ARHGAP15: variants seen among roughly 807,000 people sequenced by gnomAD.
The protein encoded by ARHGAP15 is Rho GTPase activating protein 15.
ARHGAP15 carries 51 observed loss-of-function variants against 63.7 expected under a neutral mutation model. The observed-to-expected ratio is 0.80, with a 90% confidence interval of 0.64 to 1.01. The LOEUF is 1.01. Among genes scored for constraint, ARHGAP15 ranks in the 50% least tolerant of loss-of-function variants. The probability of loss-of-function intolerance (pLI) is 0.00; values close to 1 mark genes in which losing one functional copy is unlikely to be tolerated. For synonymous variants in ARHGAP15, 191 were observed against 193.8 expected, an observed-to-expected ratio of 0.99 and a Z score of 0.12; for missense variants, 560 against 564.6, an observed-to-expected ratio of 0.99 and a Z score of 0.08.
intron 6 of ARHGAP15, among the ~76,000 whole-genome samples, chr2:143,388,968 CTAG>C (rs1004070056): frequency 2.6e-5 from 4 of 151,512 alleles, no homozygotes; most frequent in African/African-American, 9.7e-5. Flanking sequence ...ATTTGGTAAA[CTAG>C]TAGTTTAGAT....
In ARHGAP15 at chr2:143,330,158, TTAA is replaced by T. The variant is rs4008339; in HGVS notation, c.474+79563_474+79565del. 3.1e-4 allele frequency among the ~76,000 whole-genome samples: 33 copies of T among 106,918 alleles called. 1 individual carries two copies. Among genetic ancestry groups the T allele is most frequent in the Admixed American group, 3.0e-3 (30 of 9,878 alleles). 70.1% of individuals were successfully genotyped at this position (106,918 alleles called of 152,430 possible). On this transcript the variant is annotated intron_variant, in intron 6 of 13. Transcript: ENST00000295095. ...CAAAAACAAAAAACTAAACTAATGA[TTAA>T]TAATTTCAGGGGGAAAATTGGCATT...
chr2:143,205,604 C>T (rs1233981986), intron 3 of ARHGAP15, among the ~76,000 whole-genome samples: 1 of 152,054 alleles, frequency 6.6e-6, no homozygotes. Context: ...TGTAACCTTT[C>T]TCTCCTGTGA....
At chr2:143,543,627 A>G (rs1695198625) in intron 10 of ARHGAP15, among the ~76,000 whole-genome samples, 1 of 151,920 alleles carries the variant, frequency 6.6e-6, no homozygotes, top group Non-Finnish European at 1.5e-5. Flanking sequence ...AATAGATCAG[A>G]AAGAAATGAG....
At chr2:143,506,787 C>T (rs369122867) in intron 9 of ARHGAP15, among the ~76,000 whole-genome samples, 24 of 152,208 alleles carry the variant, frequency 1.6e-4, no homozygotes, top group African/African-American at 3.6e-4. Flanking sequence ...AGATAGAAAT[C>T]GGTTTCTTGG....
At chr2:143,403,255 G>C (rs1688063956) in intron 6 of ARHGAP15, among the ~76,000 whole-genome samples, 1 of 151,020 alleles carries the variant, frequency 6.6e-6, no homozygotes, top group African/African-American at 2.4e-5. Context: ...TTCTAGTCTT[G>C]TATTAATTTG....
intron 8 of ARHGAP15, among the ~76,000 whole-genome samples, chr2:143,466,274 T>A (rs545516293): frequency 4.6e-5 from 7 of 152,180 alleles, no homozygotes; most frequent in Admixed American, 3.9e-4. Flanking sequence ...ACAATTGGCT[T>A]TTATGGGCAC....
chr2:143,302,668 AC>A (rs1682959192), intron 6 of ARHGAP15, among the ~76,000 whole-genome samples: 1 of 151,850 alleles, frequency 6.6e-6, no homozygotes, highest in African/African-American at 2.4e-5. Flanking sequence ...TGAACTATCC[AC>A]CCCCGCCCAT....
At chr2:143,739,979 ATC>A (rs1443103307) in intron 13 of ARHGAP15, among the ~76,000 whole-genome samples, 1 of 151,958 alleles carries the variant, frequency 6.6e-6, no homozygotes, top group Admixed American at 6.6e-5. Context: ...TACTTTCATA[ATC>A]TCTCTTTTTG....
chr2:143,542,524 CA>C (rs1695116323), intron 10 of ARHGAP15, among the ~76,000 whole-genome samples: 1 of 151,146 alleles, frequency 6.6e-6, no homozygotes, highest in African/African-American at 2.4e-5. Context: ...GGCTCTACCC[CA>C]AAAGCAGGAT....
chr2:143,655,245 T>A (rs1165862891), intron 12 of ARHGAP15, among the ~76,000 whole-genome samples: 1 of 152,080 alleles, frequency 6.6e-6, no homozygotes, highest in African/African-American at 2.4e-5. Flanking sequence ...ATATTTGTAG[T>A]CTTCTATCCC....
At chr2:143,747,529 T>G (rs947831549) in intron 13 of ARHGAP15, among the ~76,000 whole-genome samples, 1 of 152,178 alleles carries the variant, frequency 6.6e-6, no homozygotes, top group Admixed American at 6.5e-5. Flanking sequence ...GTGTTCCACC[T>G]TTTCATTCCT....
chr2:143,185,778 A>T (rs902292605), intron 2 of ARHGAP15, among the ~76,000 whole-genome samples: 14 of 152,214 alleles, frequency 9.2e-5, no homozygotes, highest in Admixed American at 9.2e-4. Flanking sequence ...CAGAAATTTT[A>T]AATGATGTTT....
chr2:143,411,876 A>G (rs1446169792), intron 6 of ARHGAP15, among the ~76,000 whole-genome samples: 1 of 152,208 alleles, frequency 6.6e-6, no homozygotes, highest in Non-Finnish European at 1.5e-5. Context: ...AGAGGCAGTG[A>G]TATTGAAGAT....
rs192276827 is a variant in ARHGAP15 at position 143,434,307 on chromosome 2, T to C, written c.475-1294T>C. On this transcript the variant is annotated intron_variant, in intron 6 of 13. Coordinates refer to ENST00000295095, the MANE Select transcript of ARHGAP15 (RefSeq NM_018460.4). ...TATTGGAACCCATCTCAATCAAGAA[T>C]GGTTACTTTGCAGTACTGATTAATA... Among the ~76,000 whole-genome samples the C allele has an allele frequency of 7.4e-3, 1,127 of 152,238 alleles. 12 individuals are homozygous for C. The highest frequency in any genetic ancestry group is 0.026 in the African/African-American group (1,072 of 41,562).
intron 6 of ARHGAP15, among the ~76,000 whole-genome samples, chr2:143,297,742 C>T (rs557401756): frequency 2.6e-5 from 4 of 152,048 alleles, no homozygotes; most frequent in East Asian, 1.9e-4. Context: ...ACCATGGAAA[C>T]TAAGAAGAGC....
chr2:143,515,659 A>G (rs1693783276), intron 9 of ARHGAP15, among the ~76,000 whole-genome samples: 1 of 152,240 alleles, frequency 6.6e-6, no homozygotes, highest in South Asian at 2.1e-4. Context: ...GACCAGAGCT[A>G]TCTAATCACC....
chr2:143,502,616 G>A (rs533994373), intron 9 of ARHGAP15, among the ~76,000 whole-genome samples: 1 of 151,904 alleles, frequency 6.6e-6, no homozygotes, highest in African/African-American at 2.4e-5. Context: ...TTTCACTCTT[G>A]TCACCCAGGC....
intron 6 of ARHGAP15, among the ~76,000 whole-genome samples, chr2:143,332,201 T>C (rs1684578920): frequency 6.6e-6 from 1 of 152,144 alleles, no homozygotes; most frequent in South Asian, 2.1e-4. Flanking sequence ...GTTATACAAA[T>C]ACATTATTTC....
intron 13 of ARHGAP15, among the ~76,000 whole-genome samples, chr2:143,767,537 TTACTC>T (rs553999335): frequency 3.5e-4 from 53 of 152,220 alleles, no homozygotes; most frequent in Non-Finnish European, 7.3e-4. Context: ...CAGGAATACT[TTACTC>T]AACACTAATC....
Sources: gnomAD v4.1 joint callset for allele counts (sites outside exome capture counted in the v4.1 genomes callset) on GRCh38, gnomAD v4.1.1 for gene constraint, MANE v1.5 for transcripts, NCBI Gene and HGNC (gene_info 2026-07-23, HGNC 2026-07-21) for gene names.